Variants in CPM observed in about 807,000 individuals in gnomAD.
CPM encodes the protein carboxypeptidase M, also known as renal carboxypeptidase.
A neutral mutation model predicts 46.4 loss-of-function variants in CPM; 35 were observed. The observed-to-expected ratio is 0.75, with a 90% confidence interval of 0.58 to 1.00. The LOEUF (loss-of-function observed/expected upper bound fraction) is 1.00, where lower values mean the gene tolerates loss of function less well. Ranked by LOEUF, CPM falls within the 50% of genes least tolerant of loss-of-function variation. CPM has a pLI of 0.00. For synonymous variants in CPM, 195 were observed against 195.3 expected (o/e 1.00, Z 0.01); for missense variants, 422 against 530.4 (o/e 0.80, Z 2.01).
At chr12:68,872,195 G>C (rs1377320333) in intron 3 of CPM, among the ~76,000 whole-genome samples, 1 of 149,858 alleles carries the variant, frequency 6.7e-6, no homozygotes, top group Non-Finnish European at 1.5e-5. Context: ...TTTGTAAATA[G>C]TTTACATATT....
chr12:68,931,690 G>A (rs1190345863), intron 2 of CPM, among the ~76,000 whole-genome samples: 1 of 135,596 alleles, frequency 7.4e-6, no homozygotes, highest in African/African-American at 2.9e-5. Context: ...AGGTTGCAGT[G>A]AGCCGAGATC....
chr12:68,925,986 G>C (rs1888241896), intron 2 of CPM, among the ~76,000 whole-genome samples: 1 of 152,078 alleles, frequency 6.6e-6, no homozygotes, highest in Non-Finnish European at 1.5e-5. Flanking sequence ...TTACAATCTT[G>C]GTTCACTGCA....
In CPM at chr12:68,855,622, A is replaced by C. The variant is rs1884927829; in HGVS notation, c.*815T>G. The C allele has an allele frequency of 6.6e-6, 1 of 152,218 alleles. No homozygotes were observed. 9.4% of individuals were successfully genotyped at this position (152,218 alleles called of 1,614,324 possible). A position where few individuals can be genotyped will look rare whatever the true frequency, so the allele number is the denominator to read the frequency against. ...CTCTCACATCTCCTAGAACGTTTGC[A>C]AAACAATTCCCAGTCCTATGATCAT... is the stretch of plus-strand genomic sequence containing the variant. On this transcript the variant is annotated 3_prime_UTR_variant, in exon 9 of 9. Coordinates refer to ENST00000551568, the MANE Select transcript of CPM (RefSeq NM_198320.5).
intron 1 of CPM, among the ~76,000 whole-genome samples, chr12:68,962,115 G>A (rs1267099209): frequency 6.6e-6 from 1 of 151,590 alleles, no homozygotes; most frequent in Non-Finnish European, 1.5e-5. Context: ...CAGGAGAATG[G>A]CGTGAACCTG....
At chr12:68,895,062 C>A (rs931334736) in intron 2 of CPM, among the ~76,000 whole-genome samples, 11 of 148,922 alleles carry the variant, frequency 7.4e-5, no homozygotes, top group Admixed American at 1.3e-4. Context: ...TTTCATGTGG[C>A]CAAGTCTTGA....
At chr12:68,939,242 T>C (rs1465981253) in intron 1 of CPM, among the ~76,000 whole-genome samples, 1 of 147,158 alleles carries the variant, frequency 6.8e-6, no homozygotes, top group Admixed American at 6.9e-5. Context: ...ACATCATATA[T>C]GTATATGATG....
intron 1 of CPM, among the ~76,000 whole-genome samples, chr12:68,944,651 C>T (rs764264227): frequency 1.3e-5 from 2 of 152,026 alleles, no homozygotes; most frequent in Non-Finnish European, 2.9e-5. Context: ...CCGCCCAGCT[C>T]AGCCTCCCAA....
At chr12:68,915,360 C>T (rs1343325098) in intron 2 of CPM, among the ~76,000 whole-genome samples, 1 of 152,196 alleles carries the variant, frequency 6.6e-6, no homozygotes, top group African/African-American at 2.4e-5. Flanking sequence ...AGGGAAGTCT[C>T]ATCTCCTTGG....
intron 5 of CPM, chr12:68,843,257 C>T (rs1883957767): frequency 8.8e-6 from 2 of 226,870 alleles, no homozygotes; most frequent in African/African-American, 4.5e-5. Flanking sequence ...CTTTGAGGAC[C>T]TCCAAAGGTA....
intron 2 of CPM, among the ~76,000 whole-genome samples, chr12:68,917,384 G>C (rs1425407734): frequency 6.6e-6 from 1 of 152,144 alleles, no homozygotes; most frequent in African/African-American, 2.4e-5. Context: ...ACTATATTAG[G>C]CATTCAATAA....
chr12:68,920,832 A>G (rs2136306040), intron 2 of CPM, among the ~76,000 whole-genome samples: 3 of 150,852 alleles, frequency 2.0e-5, no homozygotes, highest in Admixed American at 1.3e-4. Context: ...CTGGGATTAC[A>G]GGTGTGCACC....
intron 7 of CPM, 132 bp downstream of exon 7, chr12:68,866,764 C>G (rs1461133521): frequency 4.1e-6 from 3 of 735,304 alleles, no homozygotes; most frequent in Admixed American, 5.0e-5. Flanking sequence ...GAATTCTTAA[C>G]CATCAGATCT....
rs1248680320 is a variant in CPM, at chr12:68,851,893, G to C, written c.*4544C>G. On this transcript the variant is annotated 3_prime_UTR_variant, in exon 9 of 9. Coordinates refer to ENST00000551568, the MANE Select transcript of CPM (RefSeq NM_198320.5). The stretch of plus-strand genomic sequence containing the variant: ...CTAAAGTCATGAGGAAAATATAAAG[G>C]ATCTATCATAAAATATACATCAACT... 6.6e-6 allele frequency: 1 copy of C among 152,018 alleles called. No individual in the cohort carries two copies. The highest frequency in any genetic ancestry group is 1.5e-5 in the Non-Finnish European group (1 of 68,000). 9.4% of individuals were successfully genotyped at this position (152,018 alleles called of 1,614,324 possible). A position where few individuals can be genotyped will look rare whatever the true frequency, so the allele number is the denominator to read the frequency against.
At chr12:68,897,611 C>T (rs1416251903) in intron 2 of CPM, among the ~76,000 whole-genome samples, 2 of 151,954 alleles carry the variant, frequency 1.3e-5, no homozygotes. Context: ...GTGGTGTGTG[C>T]CTGTAATCCC....
At chr12:68,894,904 G>A (rs1253055775) in intron 2 of CPM, among the ~76,000 whole-genome samples, 7 of 151,600 alleles carry the variant, frequency 4.6e-5, no homozygotes, top group South Asian at 2.1e-4. Flanking sequence ...ATGGTGGTGC[G>A]TGTAATCCCA....
intron 1 of CPM, among the ~76,000 whole-genome samples, chr12:68,952,858 G>T (rs1028307015): frequency 2.0e-5 from 3 of 152,208 alleles, no homozygotes; most frequent in Non-Finnish European, 2.9e-5. Context: ...AGTAGAAAGA[G>T]AAACCCTTTG....
rs1888561361 is a variant in CPM at position 68,932,710 on chromosome 12, G to A, written c.128C>T (p.Thr43Ile). 2 of 1,614,214 alleles carry A rather than the reference G, an allele frequency of 1.2e-6. No homozygotes were observed. Among genetic ancestry groups the A allele is most frequent in the African/African-American group, 1.3e-5 (1 of 75,052 alleles). ...AGATTTCCCAATACTGTGTAAGTGA[G>A]TGACAGAACTGTAGTTTTGGGCAAC... Reference protein sequence around the residue: ...KTVAQNYSSVTHLHSIGKSVK... With the variant: ...KTVAQNYSSVIHLHSIGKSVK... The change falls in exon 2 of 9, where the codon ACT becomes ATT. Residue 43 changes from threonine (T) to isoleucine (I), a missense_variant. Physicochemically the swap from Thr to Ile is moderately conservative, Grantham distance 89 (BLOSUM62 -1). Coordinates refer to ENST00000551568, the MANE Select transcript of CPM (RefSeq NM_198320.5).
intron 2 of CPM, among the ~76,000 whole-genome samples, chr12:68,906,630 C>T (rs1887362283): frequency 6.6e-6 from 1 of 152,094 alleles, no homozygotes; most frequent in Admixed American, 6.5e-5. Flanking sequence ...CCTGGGATTA[C>T]AGGTATCCGC....
chr12:68,887,392 C>G (rs1182591019), intron 2 of CPM, among the ~76,000 whole-genome samples: 1 of 152,152 alleles, frequency 6.6e-6, no homozygotes, highest in Non-Finnish European at 1.5e-5. Context: ...GTCCCACAGA[C>G]TGGGGAGCAT....
Sources: allele counts gnomAD v4.1 joint callset (sites outside exome capture counted in the v4.1 genomes callset), GRCh38; gene constraint gnomAD v4.1.1; transcripts MANE v1.5; gene names NCBI Gene and HGNC (gene_info 2026-07-23, HGNC 2026-07-21).